Variants in GSG1 observed in about 807,000 individuals in gnomAD.
The protein encoded by GSG1 is germ cell associated 1.
GSG1 carries 28 observed loss-of-function variants against 30.8 expected under a neutral mutation model. That is an observed-to-expected ratio of 0.91 (90% CI 0.67 to 1.25). The LOEUF is 1.25. GSG1 is among the 50% of genes most tolerant of loss of function. The pLI is 0.00. For missense variants in GSG1, 435 were observed against 444.7 expected (o/e 0.98, Z 0.20); for synonymous variants, 162 against 178.0 (o/e 0.91, Z 0.71).
At position 13,084,567 on chromosome 12, in the gene GSG1, A is replaced by T. The variant is rs1415530907; in HGVS notation, c.*334T>A. 1 of 182,018 alleles carries T rather than the reference A, an allele frequency of 5.5e-6. No individual in the cohort carries two copies. The highest frequency in any genetic ancestry group is 1.2e-5 in the Non-Finnish European group (1 of 86,424). The allele number at this position is 182,018 out of a possible 1,614,324, so 11.3% of individuals were successfully genotyped here. ...CATTTCTCCAATTTCCAGACCAATAACTAGATGTATCAGATCCTTAAGGTC... is the reference window on the plus strand; with the variant it reads ...CATTTCTCCAATTTCCAGACCAATATCTAGATGTATCAGATCCTTAAGGTC... On this transcript the variant is annotated 3_prime_UTR_variant, in exon 7 of 7. Transcript: ENST00000651961.
chr12:13,092,958 ATT>A (rs1303046735), intron 1 of GSG1, among the ~76,000 whole-genome samples: 3 of 149,176 alleles, frequency 2.0e-5, no homozygotes, highest in Admixed American at 6.7e-5. Context: ...TGCCTGGCTA[ATT>A]TTTTTTTGTA....
chr12:13,091,754 A>G (rs1032593188), intron 1 of GSG1, among the ~76,000 whole-genome samples: 13 of 152,200 alleles, frequency 8.5e-5, no homozygotes, highest in Non-Finnish European at 1.3e-4. Flanking sequence ...TCATATTTCT[A>G]TGTGACTGTC....
In GSG1 at chr12:13,101,365, G is replaced by T. The variant is rs1863184732; in HGVS notation, c.48+2100C>A. On this transcript the variant is annotated intron_variant, in intron 1 of 6. Transcript: ENST00000651961. This position sits in a 1 kb window ranked among gnomAD's most constrained non-coding sequence, Gnocchi z 5.8. ...GCCGGCCGTGTTTGGCATTGTTTGC[G>T]AGGCCCCGCCCCGCGGCCGCCAACC... Among the ~76,000 whole-genome samples the T allele has an allele frequency of 6.6e-6, 1 of 152,214 alleles. No individual in the cohort carries two copies. Among genetic ancestry groups the T allele is most frequent in the African/African-American group, 2.4e-5 (1 of 41,462 alleles).
intron 1 of GSG1, among the ~76,000 whole-genome samples, chr12:13,097,373 T>A (rs913988521): frequency 2.6e-5 from 4 of 152,090 alleles, no homozygotes; most frequent in South Asian, 2.1e-4. Context: ...AACACTTATT[T>A]TTTTTTTTTA....
At position 13,088,774 on chromosome 12, in the gene GSG1, G is replaced by T. The variant is rs374896777; in HGVS notation, c.481+88C>A. 1.5e-5 allele frequency: 24 copies of T among 1,613,768 alleles called. No individual in the cohort carries two copies. In the African/African-American group the frequency reaches 2.4e-4, roughly 16 times the overall value. On this transcript the variant is annotated intron_variant, in intron 4 of 6. Coordinates refer to ENST00000651961, the MANE Select transcript of GSG1 (RefSeq NM_001080555.4). ...CCCCAAGGGAGGGGAGGGGAGGGAA[G>T]CCTTCTCCATCAACCGCTTCCCTCC...
chr12:13,094,291 A>G (rs954817769), intron 1 of GSG1, among the ~76,000 whole-genome samples: 2 of 152,266 alleles, frequency 1.3e-5, no homozygotes, highest in Non-Finnish European at 1.5e-5. Context: ...TTATGGCAAT[A>G]AGAAATACAC....
chr12:13,103,635 A>G lies in GSG1; in HGVS notation c.-123T>C, dbSNP rs1863376896. The G allele has an allele frequency of 9.5e-7, 1 of 1,056,804 alleles. No individual in the cohort carries two copies. Among genetic ancestry groups the G allele is most frequent in the African/African-American group, 1.6e-5 (1 of 63,966 alleles). The allele number at this position is 1,056,804 out of a possible 1,614,324, so 65.5% of individuals were successfully genotyped here. On this transcript the variant is annotated 5_prime_UTR_variant, in exon 1 of 7. Transcript: ENST00000651961. Reference sequence around the variant, plus strand: ...GTCCCCTCTTGCCAGCAGAGGGGTAAGGTGGTGTGTGGTGGATTGGAGAGG... The same window carrying G: ...GTCCCCTCTTGCCAGCAGAGGGGTAGGGTGGTGTGTGGTGGATTGGAGAGG...
Position 13,085,247 on chromosome 12 carries a change from G to A in GSG1, c.747-4C>T, listed in dbSNP as rs765751313. ...GGTGAAGGAGAGCCAGGCCATGCTA[G>A]GGACAAATGCACAAAAAGATTGGAC... On this transcript the variant is annotated splice_region_variant and splice_polypyrimidine_tract_variant and intron_variant, in intron 6 of 6. Transcript: ENST00000651961. The A allele has an allele frequency of 1.0e-5, 16 of 1,590,962 alleles. No homozygotes were observed. The South Asian group carries it at 1.8e-4, about 18-fold the overall frequency.
chr12:13,097,276 A>C (rs368627309), intron 1 of GSG1, among the ~76,000 whole-genome samples: 1 of 152,162 alleles, frequency 6.6e-6, no homozygotes, highest in Non-Finnish European at 1.5e-5. Flanking sequence ...AAATTAGTCT[A>C]AAAAGTCATC....
chr12:13,095,599 C>T, intron 1 of GSG1: 3 of 1,614,166 alleles, frequency 1.9e-6, no homozygotes, highest in South Asian at 2.2e-5. Context: ...AGCCGGTTAC[C>T]TTGGCCATGG....
intron 1 of GSG1, among the ~76,000 whole-genome samples, chr12:13,102,185 A>C (rs1863264061): frequency 6.6e-6 from 1 of 152,188 alleles, no homozygotes; most frequent in African/African-American, 2.4e-5. Context: ...TAAATGGTAA[A>C]GTCAACACTG....
rs1328194982 is a variant in GSG1 at position 13,090,576 on chromosome 12, C to T, written c.291G>A (p.Gly97=). 4 of 1,614,114 alleles carry T rather than the reference C, an allele frequency of 2.5e-6. No individual in the cohort carries two copies. The highest frequency in any genetic ancestry group is 3.3e-5 in the Admixed American group (2 of 60,006). ...AGCTCCGGAAGGAGAACCGGTCATC[C>T]CCAGTCTCCCAGTTGTATTGTACCA... ...QEVVQYNWET[G]DDRFSFRSFR... Residue 97 remains glycine (G), a synonymous_variant, in exon 2 of 7, where the codon GGG becomes GGA. Transcript: ENST00000651961.
intron 1 of GSG1, among the ~76,000 whole-genome samples, chr12:13,102,823 G>A (rs575698588): frequency 5.9e-5 from 9 of 152,324 alleles, no homozygotes; most frequent in African/African-American, 1.9e-4. Context: ...GAGGCTGGTC[G>A]TTTCTGAATG....
rs1037680030 is a variant in GSG1 at position 13,101,592 on chromosome 12, G to A, written c.48+1873C>T. Among the ~76,000 whole-genome samples the A allele has an allele frequency of 3.9e-5, 6 of 152,240 alleles. No individual in the cohort carries two copies. Among genetic ancestry groups the A allele is most frequent in the Non-Finnish European group, 7.3e-5 (5 of 68,038 alleles). On this transcript the variant is annotated intron_variant, in intron 1 of 6. Coordinates refer to ENST00000651961, the MANE Select transcript of GSG1 (RefSeq NM_001080555.4). This position sits in a 1 kb window ranked among gnomAD's most constrained non-coding sequence, Gnocchi z 5.8. Reference sequence around the variant, plus strand: ...GCCGGGGCGCTAGGCCACCTGAGGCGCGTCCCCTCTGCCGCCTGGCGAGGC... The same window carrying A: ...GCCGGGGCGCTAGGCCACCTGAGGCACGTCCCCTCTGCCGCCTGGCGAGGC...
intron 1 of GSG1, among the ~76,000 whole-genome samples, chr12:13,103,252 C>T (rs563392444): frequency 6.6e-6 from 1 of 152,224 alleles, no homozygotes; most frequent in African/African-American, 2.4e-5. Context: ...GGTAATAGGC[C>T]AAGGTATGGA....
chr12:13,084,438 G>A lies in GSG1; in HGVS notation c.*463C>T, dbSNP rs1440134834. 1 of 160,796 alleles carries A rather than the reference G, an allele frequency of 6.2e-6. No individual in the cohort carries two copies. The highest frequency in any genetic ancestry group is 1.4e-5 in the Non-Finnish European group (1 of 72,552). 10.0% of individuals were successfully genotyped at this position (160,796 alleles called of 1,614,324 possible). A position where few individuals can be genotyped will look rare whatever the true frequency, so the allele number is the denominator to read the frequency against. On this transcript the variant is annotated 3_prime_UTR_variant, in exon 7 of 7. Transcript: ENST00000651961. Reference sequence around the variant, plus strand: ...GAGGACTTCTGTGCTATATGACAAAGCACTCAGGGGCGCTTCTGTCTTCCC... The same window carrying A: ...GAGGACTTCTGTGCTATATGACAAAACACTCAGGGGCGCTTCTGTCTTCCC...
At chr12:13,095,149 C>A (rs548205770) in intron 1 of GSG1, among the ~76,000 whole-genome samples, 1 of 152,220 alleles carries the variant, frequency 6.6e-6, no homozygotes, top group Non-Finnish European at 1.5e-5. Flanking sequence ...AGAATTATCT[C>A]CAACACCTAT....
At chr12:13,098,925 C>T (rs2120943599) in intron 1 of GSG1, among the ~76,000 whole-genome samples, 1 of 152,282 alleles carries the variant, frequency 6.6e-6, no homozygotes, top group East Asian at 1.9e-4. Context: ...TCCATGTCCC[C>T]TACTCACTCC....
chr12:13,091,846 G>A (rs1469649378), intron 1 of GSG1, among the ~76,000 whole-genome samples: 2 of 152,208 alleles, frequency 1.3e-5, no homozygotes, highest in Non-Finnish European at 2.9e-5. Flanking sequence ...CCCACGTCAC[G>A]TGAAACTACG....
Sources: allele counts gnomAD v4.1 joint callset (sites outside exome capture counted in the v4.1 genomes callset), GRCh38; gene constraint gnomAD v4.1.1; non-coding constraint Gnocchi (gnomAD v3.1); transcripts MANE v1.5; gene names NCBI Gene and HGNC (gene_info 2026-07-23, HGNC 2026-07-21).